Variants in DYNC2H1 observed in about 807,000 individuals in gnomAD.
DYNC2H1 encodes cytoplasmic dynein 2 heavy chain 1.
DYNC2H1 carries 410 observed loss-of-function variants against 570.0 expected under a neutral mutation model. The ratio of observed to expected loss-of-function variants is 0.72; its 90% confidence interval spans 0.66 to 0.78. The LOEUF (loss-of-function observed/expected upper bound fraction) is 0.78. DYNC2H1 is among the 30% of genes least tolerant of loss of function. The pLI is 0.00. For synonymous variants in DYNC2H1, 1,688 were observed against 1,677.6 expected (o/e 1.01, Z -0.15); for missense variants, 4,865 against 5,046.4 (o/e 0.96, Z 1.09).
rs1054059283 is a variant in DYNC2H1, at chr11:103,461,606, T to C, written c.12648+5250T>C. ...CAACACTTCGAGTGCTCAGTAGCCATATGCGGTATAGTATATACAGTAACC... is the reference window on the plus strand; with the variant it reads ...CAACACTTCGAGTGCTCAGTAGCCACATGCGGTATAGTATATACAGTAACC... On this transcript the variant is annotated intron_variant, in intron 87 of 88. Coordinates refer to ENST00000375735, the MANE Select transcript of DYNC2H1 (RefSeq NM_001377.3). The surrounding 1 kb of genome is among the most constrained non-coding windows in gnomAD (Gnocchi z 4.8). 2.0e-5 allele frequency among the ~76,000 whole-genome samples: 3 copies of C among 152,314 alleles called. No individual in the cohort carries two copies. The highest frequency in any genetic ancestry group is 6.5e-5 in the Admixed American group (1 of 15,306).
chr11:103,277,114 GA>G lies in DYNC2H1; in HGVS notation c.10696-3226del, dbSNP rs1464136792. On this transcript the variant is annotated intron_variant, in intron 70 of 88. Coordinates refer to ENST00000375735, the MANE Select transcript of DYNC2H1 (RefSeq NM_001377.3). This position sits in a 1 kb window ranked among gnomAD's most constrained non-coding sequence, Gnocchi z 4.3. ...CAAATAATGTATACATATAAATAAA[GA>G]AAAAAAAGTCTCCTTTTCAGTCTCT... is the stretch of plus-strand genomic sequence containing the variant. Among the ~76,000 whole-genome samples, 3 of 151,530 alleles carry G rather than the reference GA, an allele frequency of 2.0e-5. No homozygotes were observed. Among genetic ancestry groups the G allele is most frequent in the Admixed American group, 6.6e-5 (1 of 15,218 alleles).
intron 29 of DYNC2H1, among the ~76,000 whole-genome samples, chr11:103,161,456 T>C (rs1861089609): frequency 6.6e-6 from 1 of 152,138 alleles, no homozygotes; most frequent in Admixed American, 6.6e-5. Context: ...GATTTTGGAC[T>C]ATTTGCATTA....
At chr11:103,148,427 A>C in intron 19 of DYNC2H1, 63 bp from the exon 20 acceptor site, 1 of 1,491,170 alleles carries the variant, frequency 6.7e-7, no homozygotes, top group East Asian at 2.5e-5. Flanking sequence ...TTTAGAAATT[A>C]TGTAACTTAG....
In DYNC2H1 at chr11:103,153,060, G is replaced by A. The variant is rs564076298; in HGVS notation, c.3097-243G>A. Reference sequence around the variant, plus strand: ...ACTAGGTGCGGTTAACCACATGAACGATTTTTAAATGATTTTATTTGAATG... The same window carrying A: ...ACTAGGTGCGGTTAACCACATGAACAATTTTTAAATGATTTTATTTGAATG... On this transcript the variant is annotated intron_variant, in intron 21 of 88. Transcript: ENST00000375735. Among the ~76,000 whole-genome samples the A allele has an allele frequency of 2.0e-5, 3 of 152,146 alleles. No individual in the cohort carries two copies. The East Asian group carries it at 5.8e-4, about 29-fold the overall frequency.
rs139409605 is a variant in DYNC2H1, at chr11:103,179,551, C to G, written c.6347+318C>G. Among the ~76,000 whole-genome samples, 249 of 151,716 alleles carry G rather than the reference C, an allele frequency of 1.6e-3. 1 individual carries two copies. The highest frequency in any genetic ancestry group is 0.01 in the Middle Eastern group (3 of 292). On this transcript the variant is annotated intron_variant, in intron 39 of 88. Coordinates refer to ENST00000375735, the MANE Select transcript of DYNC2H1 (RefSeq NM_001377.3). ...GAGAAGTGAACATATTAATTATGAG[C>G]TAATATGAGCTAATATTATGAGCTA...
chr11:103,274,426 A>T (rs1001936081), intron 70 of DYNC2H1, among the ~76,000 whole-genome samples: 2 of 152,166 alleles, frequency 1.3e-5, no homozygotes, highest in Non-Finnish European at 2.9e-5. Context: ...ATTGAACAAT[A>T]TCATTAAATG....
intron 70 of DYNC2H1, among the ~76,000 whole-genome samples, chr11:103,263,363 C>G (rs762551663): frequency 6.6e-6 from 1 of 151,924 alleles, no homozygotes; most frequent in East Asian, 1.9e-4. Flanking sequence ...GGACCTAACT[C>G]CACCCCATCT....
intron 63 of DYNC2H1, among the ~76,000 whole-genome samples, chr11:103,242,641 A>G (rs930209681): frequency 1.3e-5 from 2 of 152,334 alleles, no homozygotes; most frequent in South Asian, 2.1e-4. Flanking sequence ...TTTATCATAC[A>G]TATGATATAC....
At position 103,321,208 on chromosome 11, in the gene DYNC2H1, G is replaced by A. The variant is rs189100009; in HGVS notation, c.11905G>A (p.Val3969Ile). 266 of 1,609,654 alleles carry A rather than the reference G, an allele frequency of 1.7e-4. 1 individual carries two copies. The African/African-American group carries it at 2.9e-3, about 18-fold the overall frequency. Residue 3969 changes from valine to isoleucine, a missense_variant, in exon 81 of 89, where the codon GTA becomes ATA. Around this residue, in one of 5 missense-constraint regions of DYNC2H1, gnomAD observed 2,401 missense variants for 2,454.6 expected, o/e 0.98. Coordinates refer to ENST00000375735, the MANE Select transcript of DYNC2H1 (RefSeq NM_001377.3). The part of the protein sequence containing the change: ...RNKKSIFPYS[V>I]SLPQSCSILD... ...CAAGAAAAGCATTTTTCCATATTCC[G>A]TATCTCTACCACAATCCTGCAGCAT...
In DYNC2H1 at chr11:103,204,693, A is replaced by G. The variant is rs1448511871; in HGVS notation, c.8312-129A>G. The G allele has an allele frequency of 1.7e-6, 1 of 579,090 alleles. No individual in the cohort carries two copies. Among genetic ancestry groups the G allele is most frequent in the Non-Finnish European group, 2.8e-6 (1 of 355,932 alleles). The allele number at this position is 579,090 out of a possible 1,614,324, so 35.9% of individuals were successfully genotyped here. A position where few individuals can be genotyped will look rare whatever the true frequency, so the allele number is the denominator to read the frequency against. On this transcript the variant is annotated intron_variant, in intron 51 of 88. Coordinates refer to ENST00000375735, the MANE Select transcript of DYNC2H1 (RefSeq NM_001377.3). This position sits in a 1 kb window ranked among gnomAD's most constrained non-coding sequence, Gnocchi z 4.1. ...TTAACTAAAATAAAAATCATAACATAATATTGTTTTATATTGTGCTCGTTT... is the reference window on the plus strand; with the variant it reads ...TTAACTAAAATAAAAATCATAACATGATATTGTTTTATATTGTGCTCGTTT...
At position 103,298,492 on chromosome 11, in the gene DYNC2H1, G is replaced by A. The variant is rs140451188; in HGVS notation, c.11096-4601G>A. Among the ~76,000 whole-genome samples, 287 of 152,040 alleles carry A rather than the reference G, an allele frequency of 1.9e-3. 1 individual carries two copies. The highest frequency in any genetic ancestry group is 6.8e-3 in the African/African-American group (281 of 41,494). On this transcript the variant is annotated intron_variant, in intron 75 of 88. Transcript: ENST00000375735. The stretch of plus-strand genomic sequence containing the variant: ...GTCAAATGACATTCAAGGTTTAATG[G>A]CATTAATTAAAAACCTCATATTATT...
chr11:103,282,156 G>A (rs1373045398), intron 71 of DYNC2H1, 23 bp from the exon 72 acceptor site: 15 of 1,595,540 alleles, frequency 9.4e-6, no homozygotes, highest in South Asian at 2.3e-5. Flanking sequence ...ATATTTTTGT[G>A]TTCCTATATT....
intron 88 of DYNC2H1, among the ~76,000 whole-genome samples, chr11:103,478,452 A>C (rs1368210935): frequency 1.3e-5 from 2 of 152,206 alleles, no homozygotes; most frequent in East Asian, 1.9e-4. Context: ...TGCTTGATGG[A>C]AACATCTAGT....
chr11:103,385,743 C>T (rs1340857670), intron 83 of DYNC2H1, among the ~76,000 whole-genome samples: 1 of 152,192 alleles, frequency 6.6e-6, no homozygotes, highest in Non-Finnish European at 1.5e-5. Context: ...TTACGTACCA[C>T]AGTGTTCTTT....
At chr11:103,118,962 T>A (rs996621512) in intron 6 of DYNC2H1, among the ~76,000 whole-genome samples, 2 of 152,064 alleles carry the variant, frequency 1.3e-5, no homozygotes, top group Non-Finnish European at 2.9e-5. Flanking sequence ...CATGAAGAGT[T>A]ACAAAATGGT....
At chr11:103,136,599 C>G (rs1376372409) in intron 17 of DYNC2H1, among the ~76,000 whole-genome samples, 1 of 152,120 alleles carries the variant, frequency 6.6e-6, no homozygotes, top group East Asian at 1.9e-4. Context: ...TGTATATGTG[C>G]CACATTTTCT....
chr11:103,468,645 T>C lies in DYNC2H1; in HGVS notation c.12705T>C (p.Asn4235=). The C allele has an allele frequency of 6.2e-7, 1 of 1,613,788 alleles. No homozygotes were observed. ...CSFDGNQLSE[N]QLDSPSVSSV... ...TTGATGGAAATCAACTTTCTGAAAA[T>C]CAGCTTGATTCTCCCAGCGTGTCAT... is the stretch of plus-strand genomic sequence containing the variant. Residue 4235 remains asparagine (N), a synonymous_variant, in exon 88 of 89, where the codon AAT becomes AAC. Transcript: ENST00000375735.
chr11:103,202,998 A>G (rs1862784791), intron 50 of DYNC2H1, among the ~76,000 whole-genome samples: 3 of 152,130 alleles, frequency 2.0e-5, no homozygotes, highest in African/African-American at 7.2e-5. Context: ...TCTGATTTCT[A>G]GTACAAGTTC....
chr11:103,289,432 G>A lies in DYNC2H1; in HGVS notation c.11095+1827G>A, dbSNP rs1019934299. ...TAAAGGCTAGAAGCAAGATGGAGTC[G>A]GTTAGGTCTGATCTCTTTCACTGTC... On this transcript the variant is annotated intron_variant, in intron 75 of 88. Transcript: ENST00000375735. This position sits in a 1 kb window ranked among gnomAD's most constrained non-coding sequence, Gnocchi z 4.2. Among the ~76,000 whole-genome samples the A allele has an allele frequency of 2.0e-5, 3 of 152,098 alleles. No homozygotes were observed. Among genetic ancestry groups the A allele is most frequent in the Non-Finnish European group, 2.9e-5 (2 of 67,990 alleles).
Sources: gnomAD v4.1 joint callset for allele counts (sites outside exome capture counted in the v4.1 genomes callset) on GRCh38, gnomAD v4.1.1 for gene constraint, gnomAD v4.1.1 regional missense constraint, Gnocchi (gnomAD v3.1) non-coding constraint, MANE v1.5 for transcripts, NCBI Gene and HGNC (gene_info 2026-07-23, HGNC 2026-07-21) for gene names.